Variants in TFEC observed in about 807,000 individuals in gnomAD.
TFEC encodes the protein class E basic helix-loop-helix protein 34.
In TFEC, 31 loss-of-function variants were observed where a neutral mutation model predicts 41.6. The ratio of observed to expected loss-of-function variants is 0.74; its 90% CI spans 0.56 to 1.01. The LOEUF is 1.01. Ranked by LOEUF, TFEC falls within the 50% of genes least tolerant of loss-of-function variation. TFEC has a pLI of 0.00. For missense variants in TFEC, 402 were observed against 404.1 expected (o/e 0.99, Z 0.04); for synonymous variants, 143 against 140.6 (o/e 1.02, Z -0.12).
Position 116,142,685 on chromosome 7 carries a change from G to T in TFEC, c.-69+17105C>A, listed in dbSNP as rs368233473. On this transcript the variant is annotated intron_variant, in intron 1 of 8. Transcript: ENST00000484212. Reference sequence around the variant, plus strand: ...CAAAGAAAGCCAGGCTATGAAAAAAGAAAGGATCAGAAATACAGAGAGAAG... The same window carrying T: ...CAAAGAAAGCCAGGCTATGAAAAAATAAAGGATCAGAAATACAGAGAGAAG... Among the ~76,000 whole-genome samples the T allele has an allele frequency of 2.6e-5, 4 of 152,212 alleles. No homozygotes were observed. In the East Asian group the frequency reaches 7.7e-4, roughly 29 times the overall value.
chr7:116,049,347 A>G (rs1796251774), intron 3 of TFEC, among the ~76,000 whole-genome samples: 1 of 152,246 alleles, frequency 6.6e-6, no homozygotes, highest in African/African-American at 2.4e-5. Flanking sequence ...CTGATAAAAC[A>G]GACTTTAAAC....
chr7:116,014,592 A>G (rs2130827961), intron 1 of TFEC, among the ~76,000 whole-genome samples: 1 of 152,128 alleles, frequency 6.6e-6, no homozygotes. Flanking sequence ...GTTACTTGCA[A>G]TTTCTCTGTA....
chr7:116,121,712 ATAT>A (rs1402699242), intron 1 of TFEC, among the ~76,000 whole-genome samples: 1 of 152,044 alleles, frequency 6.6e-6, no homozygotes, highest in East Asian at 1.9e-4. Context: ...CAAATGATTA[ATAT>A]TATGTGACGA....
intron 3 of TFEC, among the ~76,000 whole-genome samples, chr7:116,103,233 C>T (rs1358384126): frequency 6.6e-6 from 1 of 152,114 alleles, no homozygotes; most frequent in Non-Finnish European, 1.5e-5. Flanking sequence ...TAGGTCTCCA[C>T]AAAGACAAAA....
chr7:116,037,925 T>G (rs1584434814), intron 3 of TFEC, among the ~76,000 whole-genome samples: 1 of 152,176 alleles, frequency 6.6e-6, no homozygotes, highest in African/African-American at 2.4e-5. Context: ...ACTATACAAT[T>G]GCAAAAGCAG....
intron 3 of TFEC, among the ~76,000 whole-genome samples, chr7:116,106,081 T>C (rs1159277245): frequency 6.6e-6 from 1 of 151,946 alleles, no homozygotes; most frequent in African/African-American, 2.4e-5. Flanking sequence ...CCACATAGAG[T>C]ATCTCTATTC....
intron 3 of TFEC, among the ~76,000 whole-genome samples, chr7:115,958,124 C>T (rs1242415975): frequency 6.6e-6 from 1 of 151,594 alleles, no homozygotes; most frequent in Admixed American, 6.6e-5. Flanking sequence ...AGAATTTTTG[C>T]TTTATGGGTC....
chr7:115,951,319 T>C (rs1280091419), intron 5 of TFEC, among the ~76,000 whole-genome samples: 1 of 152,058 alleles, frequency 6.6e-6, no homozygotes, highest in Non-Finnish European at 1.5e-5. Flanking sequence ...TTCGAGGTCG[T>C]GCAACACTCT....
chr7:116,017,984 C>A (rs1280383588), intron 1 of TFEC, among the ~76,000 whole-genome samples: 1 of 151,996 alleles, frequency 6.6e-6, no homozygotes, highest in Non-Finnish European at 1.5e-5. Flanking sequence ...CAGTGTTGGG[C>A]AAATATTAGG....
intron 1 of TFEC, among the ~76,000 whole-genome samples, chr7:116,007,288 AGGGTATTT>A (rs1302147010): frequency 1.3e-5 from 2 of 152,188 alleles, no homozygotes; most frequent in Non-Finnish European, 2.9e-5. Context: ...AGATGATTTC[AGGGTATTT>A]GGTATCTGAT....
exon 3 of TFEC, chr7:116,110,772 A>G: frequency 1.3e-6 from 2 of 1,546,634 alleles, no homozygotes; most frequent in South Asian, 1.2e-5. Context: ...TCTATGCAAC[A>G]CTGGTTTGTA....
intron 1 of TFEC, among the ~76,000 whole-genome samples, chr7:116,141,220 T>C (rs1584564726): frequency 6.6e-6 from 1 of 152,106 alleles, no homozygotes; most frequent in Non-Finnish European, 1.5e-5. Flanking sequence ...CAATTATGAT[T>C]CCAAATTTAA....
At chr7:116,056,855 T>A (rs2130974662) in intron 3 of TFEC, among the ~76,000 whole-genome samples, 1 of 151,876 alleles carries the variant, frequency 6.6e-6, no homozygotes, top group East Asian at 1.9e-4. Context: ...AAGAGAACTA[T>A]CAAACAAAAG....
intron 3 of TFEC, 44 bp from the exon 4 acceptor site, chr7:115,956,837 G>T (rs1241218646): frequency 7.9e-7 from 1 of 1,259,088 alleles, no homozygotes; most frequent in Non-Finnish European, 1.1e-6. Flanking sequence ...AACCTTCTGT[G>T]CAAATTGATA....
At chr7:115,947,850 A>C (rs935897029) in intron 6 of TFEC, among the ~76,000 whole-genome samples, 4 of 152,126 alleles carry the variant, frequency 2.6e-5, no homozygotes, top group Non-Finnish European at 5.9e-5. Context: ...CTAAAATCAG[A>C]GCAGAACTGA....
At chr7:116,093,034 G>T (rs1797365214) in intron 3 of TFEC, among the ~76,000 whole-genome samples, 1 of 152,140 alleles carries the variant, frequency 6.6e-6, no homozygotes, top group Non-Finnish European at 1.5e-5. Context: ...GAAGGGACTT[G>T]CATCTCTTTC....
At chr7:115,953,822 A>G (rs1290627459) in intron 5 of TFEC, among the ~76,000 whole-genome samples, 2 of 152,136 alleles carry the variant, frequency 1.3e-5, no homozygotes, top group Admixed American at 6.6e-5. Flanking sequence ...AAGTACGTGT[A>G]TACTCAATTT....
At chr7:116,132,716 T>C (rs1798356546) in intron 1 of TFEC, among the ~76,000 whole-genome samples, 1 of 152,252 alleles carries the variant, frequency 6.6e-6, no homozygotes, top group African/African-American at 2.4e-5. Flanking sequence ...AATAAAATGT[T>C]TTAGGAGACA....
At position 116,110,706 on chromosome 7, in the gene TFEC, A is replaced by T. The variant is rs1329045584; in HGVS notation, c.198+2T>A. 1.3e-6 allele frequency: 2 copies of T among 1,495,802 alleles called. No individual in the cohort carries two copies. Among genetic ancestry groups the T allele is most frequent in the African/African-American group, 2.8e-5 (2 of 70,268 alleles). 92.7% of individuals were successfully genotyped at this position (1,495,802 alleles called of 1,614,324 possible). The stretch of plus-strand genomic sequence containing the variant: ...CGGCTGTATATGTATACAGATACAT[A>T]CCCTGGTAAAGGATGGTAATTGACT... On this transcript the variant is annotated splice_donor_variant, in intron 3 of 8. Transcript: ENST00000484212. LOFTEE classifies it high-confidence loss of function.
Sources: allele counts gnomAD v4.1 joint callset (sites outside exome capture counted in the v4.1 genomes callset), GRCh38; gene constraint gnomAD v4.1.1; transcripts MANE v1.5; gene names NCBI Gene and HGNC (gene_info 2026-07-23, HGNC 2026-07-21).